Variants in MAGI2 observed in about 807,000 individuals in gnomAD.
MAGI2 encodes membrane associated guanylate kinase, WW and PDZ domain containing 2.
MAGI2 carries 35 observed loss-of-function variants against 133.3 expected under a neutral mutation model. That is an observed-to-expected ratio of 0.26 (90% CI 0.20 to 0.35). The LOEUF (loss-of-function observed/expected upper bound fraction) is 0.35. MAGI2 is among the 10% of genes least tolerant of loss of function. MAGI2 has a pLI of 1.00. For missense variants in MAGI2, 1,636 were observed against 1,863.4 expected, an observed-to-expected ratio of 0.88 and a Z score of 2.25; for synonymous variants, 729 against 710.6, an observed-to-expected ratio of 1.03 and a Z score of -0.41.
intron 2 of MAGI2, among the ~76,000 whole-genome samples, chr7:78,710,944 T>C (rs1819123326): frequency 6.6e-6 from 1 of 152,182 alleles, no homozygotes; most frequent in African/African-American, 2.4e-5. Context: ...AGTCAATGAA[T>C]GTTTGACTGT....
chr7:79,181,407 A>T (rs527267777), intron 1 of MAGI2, among the ~76,000 whole-genome samples: 1 of 151,974 alleles, frequency 6.6e-6, no homozygotes, highest in African/African-American at 2.4e-5. Flanking sequence ...TGGGGCTTGT[A>T]TCATCCAAAA....
intron 21 of MAGI2, among the ~76,000 whole-genome samples, chr7:78,057,713 T>C (rs1453367103): frequency 6.6e-6 from 1 of 151,982 alleles, no homozygotes; most frequent in Non-Finnish European, 1.5e-5. Context: ...GAGCTTTGGA[T>C]GTAGAGAGAT....
intron 2 of MAGI2, among the ~76,000 whole-genome samples, chr7:78,908,606 G>A (rs1798155072): frequency 6.6e-6 from 1 of 152,158 alleles, no homozygotes; most frequent in Non-Finnish European, 1.5e-5. Flanking sequence ...TATGATTCAT[G>A]TTGGTGTTTT....
chr7:78,654,513 G>T (rs1216737076), intron 2 of MAGI2, among the ~76,000 whole-genome samples: 1 of 151,470 alleles, frequency 6.6e-6, no homozygotes, highest in African/African-American at 2.4e-5. Context: ...AGTTTTGAAA[G>T]GTCATATAGC....
At chr7:78,946,805 T>C (rs1307529879) in intron 2 of MAGI2, 1 of 152,188 alleles carries the variant, frequency 6.6e-6, no homozygotes, top group East Asian at 1.9e-4. Context: ...GGGTCTTCAG[T>C]TAAAAAATAT....
At chr7:78,369,292 G>T in intron 6 of MAGI2, 79 bp from the exon 7 acceptor site, 1 of 1,026,258 alleles carries the variant, frequency 9.7e-7, no homozygotes, top group South Asian at 1.6e-5. Flanking sequence ...AATTGTTCAT[G>T]GATTGCAGAA....
chr7:79,163,575 A>G (rs1824616037), intron 1 of MAGI2, among the ~76,000 whole-genome samples: 1 of 152,074 alleles, frequency 6.6e-6, no homozygotes, highest in Non-Finnish European at 1.5e-5. Context: ...CTGAAGAGAG[A>G]TTAAATTTGT....
At chr7:79,000,201 A>T (rs935708729) in intron 2 of MAGI2, 5 of 152,160 alleles carry the variant, frequency 3.3e-5, no homozygotes, top group African/African-American at 1.2e-4. Flanking sequence ...CTCTCAATAC[A>T]TACCATTTTT....
At chr7:79,243,213 A>G (rs1406161) in intron 1 of MAGI2, among the ~76,000 whole-genome samples, 77,140 of 151,606 alleles carry the variant, frequency 0.51, 21,257 homozygotes, top group Non-Finnish European at 0.63. Flanking sequence ...CAGCTCACAC[A>G]TGTACACAGA....
intron 1 of MAGI2, among the ~76,000 whole-genome samples, chr7:79,147,928 T>G (rs1278560088): frequency 6.6e-6 from 1 of 152,104 alleles, no homozygotes; most frequent in Non-Finnish European, 1.5e-5. Flanking sequence ...GGCTTTAAGG[T>G]ATCGTATCCA....
At chr7:78,923,945 T>A (rs1272850432) in intron 2 of MAGI2, among the ~76,000 whole-genome samples, 1 of 152,212 alleles carries the variant, frequency 6.6e-6, no homozygotes, top group Non-Finnish European at 1.5e-5. Context: ...TATTTTATTC[T>A]CTTTGAAGCA....
chr7:78,195,391 C>A (rs1052850039), intron 11 of MAGI2, among the ~76,000 whole-genome samples: 5 of 152,102 alleles, frequency 3.3e-5, no homozygotes, highest in African/African-American at 4.8e-5. Context: ...TGTCTCAAGA[C>A]GATTCATGTG....
chr7:78,462,504 A>C (rs1475863881), intron 6 of MAGI2, among the ~76,000 whole-genome samples: 2 of 152,220 alleles, frequency 1.3e-5, no homozygotes, highest in African/African-American at 4.8e-5. Flanking sequence ...TTTAATATTG[A>C]AAATCTATTG....
At chr7:79,432,008 G>C (rs563779769) in intron 1 of MAGI2, among the ~76,000 whole-genome samples, 13 of 152,250 alleles carry the variant, frequency 8.5e-5, no homozygotes, top group Admixed American at 3.9e-4. Context: ...TTTACTCATA[G>C]AGTTAATGTG....
chr7:79,208,253 C>A lies in MAGI2; in HGVS notation c.302-201047G>T, dbSNP rs532520532. 1.1e-4 allele frequency among the ~76,000 whole-genome samples: 17 copies of A among 151,880 alleles called. No individual in the cohort carries two copies. The East Asian group carries it at 3.1e-3, about 28-fold the overall frequency. ...GTTAAAAGAGTGAAAAGAGAACCTA[C>A]AGAATGGGAAAAATATTTTCAAAAT... On this transcript the variant is annotated intron_variant, in intron 1 of 21. Transcript: ENST00000354212.
At chr7:79,315,000 A>T (rs1313068899) in intron 1 of MAGI2, among the ~76,000 whole-genome samples, 1 of 152,152 alleles carries the variant, frequency 6.6e-6, no homozygotes. Context: ...CTCTTATGTG[A>T]CATAATAAAT....
At chr7:78,458,276 C>G (rs1429031136) in intron 6 of MAGI2, among the ~76,000 whole-genome samples, 1 of 117,024 alleles carries the variant, frequency 8.5e-6, no homozygotes, top group Non-Finnish European at 1.7e-5. Flanking sequence ...AGCCTGGAGA[C>G]AGGGCAAAAC....
chr7:78,223,939 A>G (rs181989579), intron 10 of MAGI2, among the ~76,000 whole-genome samples: 3 of 152,306 alleles, frequency 2.0e-5, no homozygotes, highest in African/African-American at 7.2e-5. Context: ...AAATTGCTCC[A>G]TGTTTAAGCT....
At chr7:78,372,715 C>A (rs1794043637) in intron 6 of MAGI2, among the ~76,000 whole-genome samples, 1 of 152,146 alleles carries the variant, frequency 6.6e-6, no homozygotes, top group African/African-American at 2.4e-5. Flanking sequence ...ATAATATCAG[C>A]TTGGAAAACT....
Sources: gnomAD v4.1 joint callset for allele counts (sites outside exome capture counted in the v4.1 genomes callset) on GRCh38, gnomAD v4.1.1 for gene constraint, MANE v1.5 for transcripts, NCBI Gene and HGNC (gene_info 2026-07-23, HGNC 2026-07-21) for gene names.